Variants in ARMC8 observed in about 807,000 individuals in gnomAD.
The protein encoded by ARMC8 is armadillo repeat containing 8.
A neutral mutation model predicts 99.3 loss-of-function variants in ARMC8; 20 were observed. The ratio of observed to expected loss-of-function variants is 0.20; its 90% confidence interval spans 0.14 to 0.29. The LOEUF (loss-of-function observed/expected upper bound fraction) is 0.29. Ranked by LOEUF, ARMC8 falls within the 10% of genes least tolerant of loss-of-function variation. The pLI, the probability that ARMC8 is intolerant of heterozygous loss-of-function variation, is 1.00. For synonymous variants in ARMC8, 263 were observed against 278.3 expected (o/e 0.95, Z 0.55); for missense variants, 569 against 809.5 (o/e 0.70, Z 3.60).
chr3:138,263,624 C>G, intron 12 of ARMC8, 115 bp from the exon 13 acceptor site: 1 of 953,146 alleles, frequency 1.0e-6, no homozygotes, highest in Non-Finnish European at 1.7e-6. Context: ...GAGGTAAAAA[C>G]TCTTGCCAAA....
intron 12 of ARMC8, chr3:138,261,963 T>A (rs1317618837): frequency 6.6e-6 from 1 of 152,270 alleles, no homozygotes. Flanking sequence ...GTAGCTACCA[T>A]AAGGAACATG....
intron 10 of ARMC8, among the ~76,000 whole-genome samples, chr3:138,241,132 A>G (rs139014039): frequency 2.0e-5 from 3 of 152,250 alleles, no homozygotes; most frequent in African/African-American, 7.2e-5. Flanking sequence ...ACCATTGCCA[A>G]GATTTTTGAG....
At chr3:138,242,847 G>A (rs1038619738) in intron 11 of ARMC8, among the ~76,000 whole-genome samples, 4 of 152,094 alleles carry the variant, frequency 2.6e-5, no homozygotes, top group Non-Finnish European at 5.9e-5. Context: ...AACTATTAAG[G>A]GTATATCTTT....
intron 8 of ARMC8, 29 bp downstream of exon 8, chr3:138,237,413 A>T: frequency 6.2e-7 from 1 of 1,611,612 alleles, no homozygotes. Context: ...TGGCACCTAC[A>T]TGATTTAATT....
At chr3:138,275,292 T>A (rs1459315556) in intron 18 of ARMC8, among the ~76,000 whole-genome samples, 1 of 152,242 alleles carries the variant, frequency 6.6e-6, no homozygotes, top group Non-Finnish European at 1.5e-5. Flanking sequence ...GTACAGTGGC[T>A]CATGCCTGTA....
chr3:138,277,927 A>T (rs946904341), intron 18 of ARMC8, among the ~76,000 whole-genome samples: 4 of 152,238 alleles, frequency 2.6e-5, no homozygotes, highest in Non-Finnish European at 5.9e-5. Flanking sequence ...ATAAAGAGGG[A>T]CAAACTGTTG....
chr3:138,212,107 A>T (rs1239313840), intron 2 of ARMC8, among the ~76,000 whole-genome samples: 2 of 151,064 alleles, frequency 1.3e-5, no homozygotes, highest in African/African-American at 2.4e-5. Context: ...ATCACCCAAC[A>T]TTTTTTTTTC....
intron 15 of ARMC8, among the ~76,000 whole-genome samples, chr3:138,268,789 TA>T (rs200483217): frequency 1.3e-5 from 2 of 148,564 alleles, no homozygotes; most frequent in African/African-American, 2.5e-5. Context: ...AAATTAAAAT[TA>T]AAAAAAAAAT....
intron 15 of ARMC8, among the ~76,000 whole-genome samples, chr3:138,269,048 GAT>G (rs1430140813): frequency 6.6e-6 from 1 of 152,174 alleles, no homozygotes; most frequent in African/African-American, 2.4e-5. Flanking sequence ...GTTCAGAAAA[GAT>G]AGATAATGTG....
chr3:138,289,834 GA>G (rs1439249173), intron 20 of ARMC8, among the ~76,000 whole-genome samples: 1 of 152,130 alleles, frequency 6.6e-6, no homozygotes, highest in African/African-American at 2.4e-5. Context: ...CCCATCCCTA[GA>G]AATTCTGATT....
In ARMC8 at chr3:138,296,136, T is replaced by C. The variant is rs2051463079; in HGVS notation, c.*244T>C. On this transcript the variant is annotated 3_prime_UTR_variant, in exon 22 of 22. Transcript: ENST00000469044. ...TTTTTTCTGAGCTACTCGGACTCTT[T>C]ATTAGAACAATCAATCATTTTCCTT... is the stretch of plus-strand genomic sequence containing the variant. The C allele has an allele frequency of 6.8e-6, 3 of 441,862 alleles. No homozygotes were observed. Among genetic ancestry groups the C allele is most frequent in the Non-Finnish European group, 1.2e-5 (3 of 248,048 alleles). 27.4% of individuals were successfully genotyped at this position (441,862 alleles called of 1,614,324 possible).
chr3:138,254,963 C>T (rs1320986096), intron 12 of ARMC8, among the ~76,000 whole-genome samples: 2 of 152,146 alleles, frequency 1.3e-5, no homozygotes, highest in Non-Finnish European at 2.9e-5. Context: ...ATGTACCCCT[C>T]TTCTTTATCT....
intron 2 of ARMC8, among the ~76,000 whole-genome samples, chr3:138,219,654 C>T (rs140016017): frequency 6.6e-6 from 1 of 152,312 alleles, no homozygotes; most frequent in African/African-American, 2.4e-5. Context: ...TTTATAGCAA[C>T]AATTGAATAG....
intron 12 of ARMC8, among the ~76,000 whole-genome samples, chr3:138,260,367 C>T (rs1302688833): frequency 1.3e-5 from 2 of 152,318 alleles, no homozygotes; most frequent in African/African-American, 2.4e-5. Flanking sequence ...CCTCATTTTA[C>T]TGAAGGCCCA....
intron 19 of ARMC8, among the ~76,000 whole-genome samples, chr3:138,288,763 T>G (rs2050667406): frequency 6.6e-6 from 1 of 150,552 alleles, no homozygotes; most frequent in African/African-American, 2.4e-5. Context: ...TCAGCCTCCC[T>G]AGTAGCTGAG....
At chr3:138,236,359 G>T (rs1044077408) in intron 7 of ARMC8, among the ~76,000 whole-genome samples, 2 of 152,120 alleles carry the variant, frequency 1.3e-5, no homozygotes, top group Non-Finnish European at 2.9e-5. Context: ...GCTGTTTATT[G>T]TTCCTTTACT....
chr3:138,205,060 CTTTTTTT>C (rs71146118), intron 1 of ARMC8, among the ~76,000 whole-genome samples: 65 of 93,220 alleles, frequency 7.0e-4, no homozygotes, highest in Non-Finnish European at 1.0e-3. Flanking sequence ...CTTTTCTTTT[CTTTTTTT>C]TTTTTTTTTT....
chr3:138,287,556 A>T (rs148609121), intron 19 of ARMC8: 4,801 of 451,540 alleles, frequency 0.011, 45 homozygotes, highest in Non-Finnish European at 0.015. Context: ...AGTATATACA[A>T]GCTCATTTAT....
chr3:138,269,820 CTTTT>C (rs77095833), intron 15 of ARMC8, among the ~76,000 whole-genome samples: 5 of 121,694 alleles, frequency 4.1e-5, no homozygotes, highest in Non-Finnish European at 8.5e-5. Context: ...TGTTTTCTTT[CTTTT>C]TTTTTTTTTT....
Sources: gnomAD v4.1 joint callset for allele counts (sites outside exome capture counted in the v4.1 genomes callset) on GRCh38, gnomAD v4.1.1 for gene constraint, MANE v1.5 for transcripts, NCBI Gene and HGNC (gene_info 2026-07-23, HGNC 2026-07-21) for gene names.